Variants in ZKSCAN1 observed in about 807,000 individuals in gnomAD.
ZKSCAN1 encodes the protein zinc finger with KRAB and SCAN domains 1.
Under a neutral mutation model 51.6 loss-of-function variants are expected in ZKSCAN1, and 14 were observed. The observed-to-expected ratio is 0.27, with a 90% CI of 0.18 to 0.42. The LOEUF is 0.42. Ranked by LOEUF, ZKSCAN1 falls within the 10% of genes least tolerant of loss-of-function variation. ZKSCAN1 has a pLI of 1.00. For synonymous variants in ZKSCAN1, 263 were observed against 261.5 expected (o/e 1.01, Z -0.06); for missense variants, 531 against 710.0 (o/e 0.75, Z 2.86).
intron 3 of ZKSCAN1, among the ~76,000 whole-genome samples, chr7:100,027,290 A>T (rs1176215025): frequency 6.8e-6 from 1 of 146,300 alleles, no homozygotes; most frequent in South Asian, 2.2e-4. Context: ...AGCAACACTC[A>T]TCTCAAAAAA....
rs1482647019 is a variant in ZKSCAN1 at position 100,038,597 on chromosome 7, G to T, written c.*4400G>T. On this transcript the variant is annotated 3_prime_UTR_variant, in exon 6 of 6. Coordinates refer to ENST00000324306, the MANE Select transcript of ZKSCAN1 (RefSeq NM_003439.4). ...AGACGGTCTTCTCCATGAAGCGAGA[G>T]TAGGAAGTGTACTGGAATGGCCAAG... The T allele has an allele frequency of 1.0e-6, 1 of 985,370 alleles. No homozygotes were observed. Among genetic ancestry groups the T allele is most frequent in the Non-Finnish European group, 1.2e-6 (1 of 829,962 alleles). The allele number at this position is 985,370 out of a possible 1,614,324, so 61.0% of individuals were successfully genotyped here.
rs193204999 is a variant in ZKSCAN1, at chr7:100,030,235, T to C, written c.673-14T>C. 1,078 of 1,611,958 alleles carry C rather than the reference T, an allele frequency of 6.7e-4. 15 individuals are homozygous for C. The Admixed American group carries it at 0.015, about 23-fold the overall frequency. On this transcript the variant is annotated splice_polypyrimidine_tract_variant and intron_variant, in intron 4 of 5. Coordinates refer to ENST00000324306, the MANE Select transcript of ZKSCAN1 (RefSeq NM_003439.4). The stretch of plus-strand genomic sequence containing the variant: ...GTTTGGGGGGAAATGACTGTTTGTC[T>C]CGTGTTATTTTAGGCAATGGTGAAG...
Position 100,039,974 on chromosome 7 carries a change from CAT to C in ZKSCAN1, c.*5779_*5780del, listed in dbSNP as rs377669362. The C allele has an allele frequency of 1.3e-3, 1,275 of 949,796 alleles. No homozygotes were observed. The highest frequency in any genetic ancestry group is 4.1e-3 in the East Asian group (35 of 8,616). The allele number at this position is 949,796 out of a possible 1,614,324, so 58.8% of individuals were successfully genotyped here. On this transcript the variant is annotated 3_prime_UTR_variant, in exon 6 of 6. Transcript: ENST00000324306. ...GGCATTATTTGAAAAGTTTTTCTAA[CAT>C]AGATTTAGGGTTTTTTTTTTTAGAG...
chr7:100,032,852 C>T (rs1791169756), intron 5 of ZKSCAN1, among the ~76,000 whole-genome samples: 1 of 152,078 alleles, frequency 6.6e-6, no homozygotes, highest in Non-Finnish European at 1.5e-5. Context: ...ACTAAAAATA[C>T]AAAAAATTAG....
chr7:100,035,898 T>A lies in ZKSCAN1; in HGVS notation c.*1701T>A. On this transcript the variant is annotated 3_prime_UTR_variant, in exon 6 of 6. Transcript: ENST00000324306. ...CATCGCCACTCAAGTAGGACAAGGG[T>A]CCTACCCAAGGCTAGGACCGCCCTG... The A allele has an allele frequency of 1.0e-6, 1 of 985,180 alleles. No individual in the cohort carries two copies. Among genetic ancestry groups the A allele is most frequent in the Non-Finnish European group, 1.2e-6 (1 of 829,896 alleles). 61.0% of individuals were successfully genotyped at this position (985,180 alleles called of 1,614,324 possible).
In ZKSCAN1 at chr7:100,035,980, A is replaced by C. The variant is rs1393299860; in HGVS notation, c.*1783A>C. The C allele has an allele frequency of 1.0e-6, 1 of 985,346 alleles. No homozygotes were observed. The highest frequency in any genetic ancestry group is 1.2e-6 in the Non-Finnish European group (1 of 829,946). 61.0% of individuals were successfully genotyped at this position (985,346 alleles called of 1,614,324 possible). Reference sequence around the variant, plus strand: ...TCAAGACTATCAGTGTGACCTCCCCATAACAAGAGAACCCCATATATAGTT... The same window carrying C: ...TCAAGACTATCAGTGTGACCTCCCCCTAACAAGAGAACCCCATATATAGTT... On this transcript the variant is annotated 3_prime_UTR_variant, in exon 6 of 6. Transcript: ENST00000324306.
intron 3 of ZKSCAN1, chr7:100,024,543 G>A (rs1034855093): frequency 8.0e-6 from 4 of 497,712 alleles, no homozygotes; most frequent in African/African-American, 5.8e-5. Context: ...GCAGTGAGCT[G>A]TAATCATGCC....
chr7:100,036,127 T>C lies in ZKSCAN1; in HGVS notation c.*1930T>C. On this transcript the variant is annotated 3_prime_UTR_variant, in exon 6 of 6. Coordinates refer to ENST00000324306, the MANE Select transcript of ZKSCAN1 (RefSeq NM_003439.4). ...GAACCAACGAAGTGGGAGCTAAAAC[T>C]GCACAGTGGTCATTCTTTGGCCTCT... The C allele has an allele frequency of 1.0e-6, 1 of 985,414 alleles. No homozygotes were observed. The highest frequency in any genetic ancestry group is 1.2e-6 in the Non-Finnish European group (1 of 829,914). The allele number at this position is 985,414 out of a possible 1,614,324, so 61.0% of individuals were successfully genotyped here. A position where few individuals can be genotyped will look rare whatever the true frequency, so the allele number is the denominator to read the frequency against.
intron 2 of ZKSCAN1, 40 bp downstream of exon 2, chr7:100,023,972 A>G (rs1450349384): frequency 6.5e-7 from 1 of 1,532,568 alleles, no homozygotes; most frequent in Admixed American, 2.1e-5. Flanking sequence ...AGCAGGGCAC[A>G]GACGTTGAAA....
intron 1 of ZKSCAN1, among the ~76,000 whole-genome samples, chr7:100,021,836 C>G (rs1346168594): frequency 6.6e-6 from 1 of 150,392 alleles, no homozygotes; most frequent in Non-Finnish European, 1.5e-5. Flanking sequence ...CCTCAAACTT[C>G]TGGTTTCATG....
At position 100,036,589 on chromosome 7, in the gene ZKSCAN1, G is replaced by A; in HGVS notation, c.*2392G>A. 2.9e-6 allele frequency: 2 copies of A among 698,170 alleles called. No homozygotes were observed. Among genetic ancestry groups the A allele is most frequent in the Non-Finnish European group, 3.5e-6 (2 of 568,152 alleles). 43.2% of individuals were successfully genotyped at this position (698,170 alleles called of 1,614,324 possible). ...AAAAATTAGCCGGGCATGATGGTGG[G>A]CACCTGTAATCCCAGCTACTTGGGA... is the stretch of plus-strand genomic sequence containing the variant. On this transcript the variant is annotated 3_prime_UTR_variant, in exon 6 of 6. Transcript: ENST00000324306.
chr7:100,040,036 A>G lies in ZKSCAN1; in HGVS notation c.*5839A>G, dbSNP rs1791527764. 3 of 869,174 alleles carry G rather than the reference A, an allele frequency of 3.5e-6. No individual in the cohort carries two copies. Among genetic ancestry groups the G allele is most frequent in the Admixed American group, 1.2e-4 (2 of 16,096 alleles). 53.8% of individuals were successfully genotyped at this position (869,174 alleles called of 1,614,324 possible). On this transcript the variant is annotated 3_prime_UTR_variant, in exon 6 of 6. Coordinates refer to ENST00000324306, the MANE Select transcript of ZKSCAN1 (RefSeq NM_003439.4). Reference sequence around the variant, plus strand: ...TACATTTAAAAGCAATTATTTTGCTATTCAGATTTTTTATTATCTGAAAAT... The same window carrying G: ...TACATTTAAAAGCAATTATTTTGCTGTTCAGATTTTTTATTATCTGAAAAT...
chr7:100,015,761 C>A (rs1790330912), intron 1 of ZKSCAN1, 35 bp downstream of exon 1: 1 of 142,838 alleles, frequency 7.0e-6, no homozygotes. Flanking sequence ...GGTGGGAGGG[C>A]GGGGCCGCAA....
chr7:100,038,794 G>A lies in ZKSCAN1; in HGVS notation c.*4597G>A, dbSNP rs1380411992. 3 of 905,858 alleles carry A rather than the reference G, an allele frequency of 3.3e-6. No individual in the cohort carries two copies. The highest frequency in any genetic ancestry group is 4.0e-6 in the Non-Finnish European group (3 of 757,596). 56.1% of individuals were successfully genotyped at this position (905,858 alleles called of 1,614,324 possible). ...GTGGATCACAAGGTCAGGAGATCGA[G>A]ACCATCCTGGCTAACATGGCGAAAC... On this transcript the variant is annotated 3_prime_UTR_variant, in exon 6 of 6. Transcript: ENST00000324306.
downstream of ZKSCAN1, chr7:100,041,750 C>T: frequency 1.0e-6 from 1 of 985,004 alleles, no homozygotes; most frequent in Non-Finnish European, 1.2e-6. Context: ...CATAAATACA[C>T]ATTGGGGGTG....
chr7:100,031,100 C>G (rs1003964857), intron 5 of ZKSCAN1, among the ~76,000 whole-genome samples: 1 of 152,056 alleles, frequency 6.6e-6, no homozygotes, highest in East Asian at 1.9e-4. Context: ...GAAGCCCTCA[C>G]GTGAGTACAG....
At position 100,040,974 on chromosome 7, in the gene ZKSCAN1, G is replaced by A. The variant is rs1791570729; in HGVS notation, c.*6777G>A. ...CTTGTCCTAAAAATATATGAGTTTG[G>A]GGGTAAGGGGTGGGATAGCCAAGCA... On this transcript the variant is annotated 3_prime_UTR_variant, in exon 6 of 6. Coordinates refer to ENST00000324306, the MANE Select transcript of ZKSCAN1 (RefSeq NM_003439.4). 2.0e-6 allele frequency: 2 copies of A among 985,278 alleles called. No homozygotes were observed. The highest frequency in any genetic ancestry group is 2.4e-6 in the Non-Finnish European group (2 of 829,902). 61.0% of individuals were successfully genotyped at this position (985,278 alleles called of 1,614,324 possible). A position where few individuals can be genotyped will look rare whatever the true frequency, so the allele number is the denominator to read the frequency against.
chr7:100,034,225 C>G lies in ZKSCAN1; in HGVS notation c.*28C>G. ...GAAGAATTTGCCATCAAGCCATTTC[C>G]CCCTTTTGTTTCTAAAATTATTTCA... On this transcript the variant is annotated 3_prime_UTR_variant, in exon 6 of 6. Coordinates refer to ENST00000324306, the MANE Select transcript of ZKSCAN1 (RefSeq NM_003439.4). 6.7e-7 allele frequency: 1 copy of G among 1,498,138 alleles called. No individual in the cohort carries two copies. The highest frequency in any genetic ancestry group is 1.4e-5 in the South Asian group (1 of 73,680). 92.8% of individuals were successfully genotyped at this position (1,498,138 alleles called of 1,614,324 possible).
chr7:100,036,554 C>T lies in ZKSCAN1; in HGVS notation c.*2357C>T. 1.2e-6 allele frequency: 1 copy of T among 803,920 alleles called. No individual in the cohort carries two copies. The highest frequency in any genetic ancestry group is 1.5e-6 in the Non-Finnish European group (1 of 664,862). The allele number at this position is 803,920 out of a possible 1,614,324, so 49.8% of individuals were successfully genotyped here. On this transcript the variant is annotated 3_prime_UTR_variant, in exon 6 of 6. Transcript: ENST00000324306. ...CCAACATGGTAAAATCCCGTCTCTA[C>T]TAAAATTATAAAAATTAGCCGGGCA...
Sources: gnomAD v4.1 joint callset for allele counts (sites outside exome capture counted in the v4.1 genomes callset) on GRCh38, gnomAD v4.1.1 for gene constraint, MANE v1.5 for transcripts, NCBI Gene and HGNC (gene_info 2026-07-23, HGNC 2026-07-21) for gene names.